Variants in KCTD1 observed in about 807,000 individuals in gnomAD.
The protein encoded by KCTD1 is BTB/POZ domain-containing protein KCTD1.
Under a neutral mutation model 66.0 loss-of-function variants are expected in KCTD1, and 24 were observed. The observed-to-expected ratio is 0.36, with a 90% CI of 0.26 to 0.51. The LOEUF (loss-of-function observed/expected upper bound fraction) is 0.51, where lower values mean the gene tolerates loss of function less well. Among genes scored for constraint, KCTD1 ranks in the 20% least tolerant of loss-of-function variants. The pLI, the probability that KCTD1 is intolerant of heterozygous loss-of-function variation, is 0.95. For missense variants in KCTD1, 943 were observed against 1,205.2 expected, an observed-to-expected ratio of 0.78 and a Z score of 3.22; for synonymous variants, 511 against 517.2, an observed-to-expected ratio of 0.99 and a Z score of 0.16.
chr18:26,540,474 G>C (rs555085054), intron 1 of KCTD1, among the ~76,000 whole-genome samples: 40 of 152,204 alleles, frequency 2.6e-4, no homozygotes, highest in African/African-American at 9.4e-4. Flanking sequence ...ACTTATATGC[G>C]AGTGTTTTTC....
chr18:26,652,647 A>G (rs1988058103), intron 1 of KCTD1, among the ~76,000 whole-genome samples: 1 of 152,224 alleles, frequency 6.6e-6, no homozygotes, highest in Non-Finnish European at 1.5e-5. Flanking sequence ...CATAAAGGAA[A>G]AGCATTTTGG....
At position 26,547,726 on chromosome 18, in the gene KCTD1, CG is replaced by C; in HGVS notation, c.810del (p.Glu271ArgfsTer148). 1 of 1,547,722 alleles carries C rather than the reference CG, an allele frequency of 6.5e-7. No homozygotes were observed. Among genetic ancestry groups the C allele is most frequent in the Non-Finnish European group, 8.7e-7 (1 of 1,146,756 alleles). Reference protein sequence around the residue: ...NLTLAAVIRKLEEQGAGPVVQ... With the variant: ...NLTLAAVIRKXEEQGAGPVVQ... ...ACCACCGGCCCGGCGCCCTGCTCCT[CG>C]AGCTTGCGGATGACCGCGGCCAGCG... On this transcript the variant is annotated frameshift_variant, in exon 1 of 5. Coordinates refer to ENST00000580059, the MANE Select transcript of KCTD1 (RefSeq NM_001142730.3). LOFTEE classifies it high-confidence loss of function.
At chr18:26,506,538 C>T (rs925834010) in intron 1 of KCTD1, among the ~76,000 whole-genome samples, 10 of 152,174 alleles carry the variant, frequency 6.6e-5, no homozygotes, top group South Asian at 2.1e-4. Context: ...TTCAATATAG[C>T]GTCGCAACCA....
chr18:26,590,044 C>G (rs187226108), intron 1 of KCTD1, among the ~76,000 whole-genome samples: 20 of 152,216 alleles, frequency 1.3e-4, no homozygotes, highest in Non-Finnish European at 2.2e-4. Context: ...TGGAACAGCC[C>G]TATCTCTGTA....
At chr18:26,551,285 CA>C (rs1222336683), upstream of KCTD1, among the ~76,000 whole-genome samples, 7 of 152,118 alleles carry the variant, frequency 4.6e-5, no homozygotes, top group Non-Finnish European at 1.0e-4. Context: ...TCTCTACTGG[CA>C]AAAGTCAGGG....
At chr18:26,590,453 G>A (rs1205707459) in intron 1 of KCTD1, among the ~76,000 whole-genome samples, 1 of 152,010 alleles carries the variant, frequency 6.6e-6, no homozygotes, top group African/African-American at 2.4e-5. Context: ...TATTATTAGT[G>A]GCCCAAAGCA....
rs1347122662 is a variant in KCTD1, at chr18:26,455,866, G to A, written c.2475C>T (p.Ile825=). 4.3e-6 allele frequency: 7 copies of A among 1,614,140 alleles called. No homozygotes were observed. Among genetic ancestry groups the A allele is most frequent in the East Asian group, 2.2e-5 (1 of 44,886 alleles). ...CTACTCCTCCCCCACAGGAGCCCAC[G>A]ATTTCAAATCCTCTTTGCTGCAACC... ...LERLQQRGFE[I]VGSCGGGVDS... The change falls in exon 5 of 5, where the codon ATC becomes ATT. Residue 825 remains isoleucine (I), a synonymous_variant. Coordinates refer to ENST00000580059, the MANE Select transcript of KCTD1 (RefSeq NM_001142730.3).
chr18:26,599,544 T>C, intron 1 of KCTD1: 2 of 1,533,618 alleles, frequency 1.3e-6, no homozygotes, highest in Non-Finnish European at 1.8e-6. Flanking sequence ...GTGGAAAACA[T>C]GAACCAGCTG....
chr18:26,558,874 G>A (rs1471448511), intron 1 of KCTD1, among the ~76,000 whole-genome samples: 1 of 151,942 alleles, frequency 6.6e-6, no homozygotes, highest in Non-Finnish European at 1.5e-5. Context: ...AGTGAGCCGA[G>A]ATTGCACCAC....
chr18:26,487,258 T>G (rs1981967063), intron 2 of KCTD1, among the ~76,000 whole-genome samples: 1 of 152,208 alleles, frequency 6.6e-6, no homozygotes, highest in South Asian at 2.1e-4. Context: ...ACCTAAGCCT[T>G]GCAATGACAA....
intron 1 of KCTD1, among the ~76,000 whole-genome samples, chr18:26,588,013 C>A (rs1029596965): frequency 1.3e-5 from 2 of 152,208 alleles, no homozygotes; most frequent in African/African-American, 2.4e-5. Context: ...ACAACTGACA[C>A]CAATTTTGAA....
intron 1 of KCTD1, among the ~76,000 whole-genome samples, chr18:26,624,653 G>A (rs576915205): frequency 5.9e-5 from 9 of 152,352 alleles, no homozygotes; most frequent in Admixed American, 2.6e-4. Flanking sequence ...CTGCAGTGGC[G>A]GAGCCTTCAT....
chr18:26,599,264 G>A, intron 1 of KCTD1: 1 of 668,926 alleles, frequency 1.5e-6, no homozygotes, highest in Non-Finnish European at 2.5e-6. Flanking sequence ...TTGTTGAAAA[G>A]ACTATTCCTT....
In KCTD1 at chr18:26,470,259, C is replaced by CCTCTGT. The variant is rs1980981649; in HGVS notation, c.2133+6255_2133+6256insACAGAG. On this transcript the variant is annotated intron_variant, in intron 3 of 4. Coordinates refer to ENST00000580059, the MANE Select transcript of KCTD1 (RefSeq NM_001142730.3). ...TTTCCCTTGCCTATTTCTCTTACTA[C>CCTCTGT]AGAGGCTAAAAATAAGCGAAGAAAA... 4.2e-5 allele frequency among the ~76,000 whole-genome samples: 6 copies of CCTCTGT among 141,830 alleles called. No individual in the cohort carries two copies. In the South Asian group the frequency reaches 1.2e-3, roughly 29 times the overall value. The allele number at this position is 141,830 out of a possible 152,430, so 93.0% of individuals were successfully genotyped here.
intron 1 of KCTD1, among the ~76,000 whole-genome samples, chr18:26,560,498 C>T (rs1235096547): frequency 2.0e-5 from 3 of 152,130 alleles, no homozygotes; most frequent in Admixed American, 6.6e-5. Flanking sequence ...AGAACCAGAT[C>T]GATAGGTCTG....
chr18:26,479,153 A>G (rs1981497345), intron 2 of KCTD1, among the ~76,000 whole-genome samples: 1 of 152,268 alleles, frequency 6.6e-6, no homozygotes, highest in Non-Finnish European at 1.5e-5. Context: ...GGAGATCTGA[A>G]GCGAGCACTA....
intron 2 of KCTD1, among the ~76,000 whole-genome samples, chr18:26,479,410 C>G (rs1981514081): frequency 6.6e-6 from 1 of 152,210 alleles, no homozygotes; most frequent in Non-Finnish European, 1.5e-5. Context: ...CTGGTGAAAC[C>G]GCAGACCCCC....
chr18:26,568,398 A>G (rs1177610327), intron 1 of KCTD1, among the ~76,000 whole-genome samples: 1 of 151,790 alleles, frequency 6.6e-6, no homozygotes, highest in East Asian at 1.9e-4. Context: ...CACCACACCC[A>G]GCTAATATTT....
At chr18:26,577,906 C>T (rs2144913212) in intron 1 of KCTD1, among the ~76,000 whole-genome samples, 1 of 152,092 alleles carries the variant, frequency 6.6e-6, no homozygotes, top group African/African-American at 2.4e-5. Context: ...CCCATAAATA[C>T]AATGGTGTCT....
Sources: gnomAD v4.1 joint callset for allele counts (sites outside exome capture counted in the v4.1 genomes callset) on GRCh38, gnomAD v4.1.1 for gene constraint, MANE v1.5 for transcripts, NCBI Gene and HGNC (gene_info 2026-07-23, HGNC 2026-07-21) for gene names.